NEK1: variants seen among roughly 807,000 people sequenced by gnomAD.
NEK1 encodes the protein serine/threonine-protein kinase Nek1.
NEK1 carries 137 observed loss-of-function variants against 182.1 expected under a neutral mutation model. That is an observed-to-expected ratio of 0.75 (90% CI 0.65 to 0.87). NEK1 has a LOEUF of 0.87. Ranked by LOEUF, NEK1 falls within the 40% of genes least tolerant of loss-of-function variation. NEK1 has a pLI of 0.00. For missense variants in NEK1, 1,391 were observed against 1,494.4 expected (o/e 0.93, Z 1.14); for synonymous variants, 513 against 492.2 (o/e 1.04, Z -0.56).
chr4:169,569,499 G>A (rs1451605125), intron 12 of NEK1, among the ~76,000 whole-genome samples: 2 of 103,884 alleles, frequency 1.9e-5, no homozygotes, highest in African/African-American at 9.2e-5. Flanking sequence ...TCTCCCCATG[G>A]TCTCCCTCTC....
chr4:169,457,437 C>T (rs1306430950), intron 27 of NEK1, among the ~76,000 whole-genome samples: 1 of 150,796 alleles, frequency 6.6e-6, no homozygotes, highest in Non-Finnish European at 1.5e-5. Flanking sequence ...GTGGAAATTC[C>T]CAAAGACTGG....
intron 27 of NEK1, among the ~76,000 whole-genome samples, chr4:169,448,933 C>A (rs11735900): frequency 0.29 from 43,979 of 152,108 alleles, 8,989 homozygotes; most frequent in African/African-American, 0.59. Flanking sequence ...TACCTGGAAA[C>A]ACGGGACACT....
intron 18 of NEK1, chr4:169,554,728 A>C (rs1412256982): frequency 6.6e-6 from 1 of 152,186 alleles, no homozygotes; most frequent in Non-Finnish European, 1.5e-5. Context: ...ATGATATTAC[A>C]GTGGTGGATA....
intron 19 of NEK1, among the ~76,000 whole-genome samples, chr4:169,535,604 G>A (rs1025318154): frequency 6.6e-6 from 1 of 151,886 alleles, no homozygotes; most frequent in Admixed American, 6.6e-5. Flanking sequence ...TGGGCCAGAC[G>A]CAGTGGGCTC....
chr4:169,397,768 T>A (rs148004010), intron 35 of NEK1, among the ~76,000 whole-genome samples: 8 of 152,290 alleles, frequency 5.3e-5, no homozygotes, highest in African/African-American at 1.7e-4. Flanking sequence ...AGCCACTCAG[T>A]TGTCAAAAGA....
intron 18 of NEK1, among the ~76,000 whole-genome samples, chr4:169,543,999 G>A (rs1759921294): frequency 1.3e-5 from 2 of 152,206 alleles, no homozygotes; most frequent in South Asian, 4.1e-4. Context: ...TGATTGCCCT[G>A]GCCAGAACTT....
rs564517904 is a variant in NEK1, at chr4:169,482,009, T to C, written c.2008-2475A>G. ...AATGATCTTAGCTATATCTCCTGGA[T>C]AATGTACTGCAGTTTCTCCATCAGC... On this transcript the variant is annotated intron_variant, in intron 23 of 35. Coordinates refer to ENST00000507142, the MANE Select transcript of NEK1 (RefSeq NM_001199397.3). Among the ~76,000 whole-genome samples the C allele has an allele frequency of 6.6e-5, 10 of 152,382 alleles. No individual in the cohort carries two copies. The East Asian group carries it at 9.6e-4, about 15-fold the overall frequency.
rs924580507 is a variant in NEK1, at chr4:169,430,136, T to A, written c.2885+3409A>T. Among the ~76,000 whole-genome samples, 47 of 152,288 alleles carry A rather than the reference T, an allele frequency of 3.1e-4. 1 individual carries two copies. The highest frequency in any genetic ancestry group is 5.9e-4 in the Non-Finnish European group (40 of 68,014). On this transcript the variant is annotated intron_variant, in intron 29 of 35. Transcript: ENST00000507142. The stretch of plus-strand genomic sequence containing the variant: ...ATTCCTATAATATGTAAAAATGATT[T>A]AAAAAATAGAAAACACTCTCTCTGC...
At chr4:169,397,319 C>T (rs972605650) in intron 35 of NEK1, among the ~76,000 whole-genome samples, 3 of 152,010 alleles carry the variant, frequency 2.0e-5, no homozygotes, top group Admixed American at 1.3e-4. Context: ...GAGTGCAAAA[C>T]GGTTATTCTG....
At chr4:169,398,933 A>T (rs1322029671) in intron 35 of NEK1, among the ~76,000 whole-genome samples, 3 of 152,182 alleles carry the variant, frequency 2.0e-5, no homozygotes, top group Non-Finnish European at 4.4e-5. Context: ...CTTGTTCAAA[A>T]TTTTACATAT....
chr4:169,593,274 T>TTA (rs1440264922), intron 5 of NEK1, among the ~76,000 whole-genome samples: 1 of 152,214 alleles, frequency 6.6e-6, no homozygotes, highest in Non-Finnish European at 1.5e-5. Flanking sequence ...AAGTCTTCCA[T>TTA]TATAGCATAA....
At chr4:169,526,051 C>A (rs1016568352) in intron 19 of NEK1, among the ~76,000 whole-genome samples, 1 of 152,056 alleles carries the variant, frequency 6.6e-6, no homozygotes, top group African/African-American at 2.4e-5. Flanking sequence ...CAGAGCAAAC[C>A]CACCTTCCCT....
At chr4:169,570,485 G>T (rs1048773873) in intron 12 of NEK1, among the ~76,000 whole-genome samples, 1 of 149,444 alleles carries the variant, frequency 6.7e-6, no homozygotes, top group Non-Finnish European at 1.5e-5. Flanking sequence ...CCGGCCAGCC[G>T]CCCCGTCCGG....
At position 169,433,737 on chromosome 4, in the gene NEK1, A is replaced by G. The variant is rs555186529; in HGVS notation, c.2765-72T>C. 501 of 1,451,472 alleles carry G rather than the reference A, an allele frequency of 3.5e-4. 10 individuals carry two copies. The South Asian group carries it at 5.6e-3, about 16-fold the overall frequency. 89.9% of individuals were successfully genotyped at this position (1,451,472 alleles called of 1,614,324 possible). On this transcript the variant is annotated intron_variant, in intron 28 of 35. Coordinates refer to ENST00000507142, the MANE Select transcript of NEK1 (RefSeq NM_001199397.3). ...CAAGAGAATATTGAATAAACTTGCT[A>G]TAAATTATTGCTACCTAGTTTTAGG...
At chr4:169,431,594 T>TA (rs1398081509) in intron 29 of NEK1, among the ~76,000 whole-genome samples, 4 of 151,780 alleles carry the variant, frequency 2.6e-5, no homozygotes, top group Non-Finnish European at 5.9e-5. Flanking sequence ...GATTTACATG[T>TA]AAAAAAATCA....
chr4:169,506,862 GAGAGAGAC>G (rs1753350565), intron 23 of NEK1, 167 bp downstream of exon 23: 1 of 359,378 alleles, frequency 2.8e-6, no homozygotes, highest in African/African-American at 2.1e-5. Flanking sequence ...TCTTAAATGC[GAGAGAGAC>G]AGAGAGACTG....
chr4:169,586,076 A>G (rs999859740), intron 9 of NEK1, among the ~76,000 whole-genome samples: 1 of 152,174 alleles, frequency 6.6e-6, no homozygotes, highest in African/African-American at 2.4e-5. Context: ...AATCAGCAAT[A>G]TAAAAAATAT....
intron 5 of NEK1, among the ~76,000 whole-genome samples, chr4:169,598,450 T>TA (rs951588688): frequency 5.4e-5 from 8 of 146,980 alleles, no homozygotes; most frequent in Non-Finnish European, 6.0e-5. Context: ...GAACTGAGCT[T>TA]AAAAAAAAAA....
chr4:169,452,847 T>C (rs1037885091), intron 27 of NEK1, among the ~76,000 whole-genome samples: 21 of 152,164 alleles, frequency 1.4e-4, no homozygotes, highest in Admixed American at 2.6e-4. Flanking sequence ...TAAAGAGTAT[T>C]CAGTTAGGAA....
Sources: allele counts gnomAD v4.1 joint callset (sites outside exome capture counted in the v4.1 genomes callset), GRCh38; gene constraint gnomAD v4.1.1; transcripts MANE v1.5; gene names NCBI Gene and HGNC (gene_info 2026-07-23, HGNC 2026-07-21).